The following FCRL2 variants were observed in gnomAD, a reference collection of about 807,000 sequenced individuals.
The protein encoded by FCRL2 is Fc receptor-like protein 2.
FCRL2 carries 48 observed loss-of-function variants against 59.8 expected under a neutral mutation model. The observed-to-expected ratio is 0.80, with a 90% CI of 0.64 to 1.02. FCRL2 has a LOEUF of 1.02. Among genes scored for constraint, FCRL2 ranks in the 50% least tolerant of loss-of-function variants. FCRL2 has a pLI of 0.00. For missense variants in FCRL2, 658 were observed against 597.3 expected (o/e 1.10, Z -1.06); for synonymous variants, 251 against 229.5 (o/e 1.09, Z -0.85).
intron 7 of FCRL2, among the ~76,000 whole-genome samples, chr1:157,765,325 C>T (rs566221940): frequency 2.0e-4 from 31 of 152,044 alleles, no homozygotes; most frequent in Middle Eastern, 3.4e-3. Flanking sequence ...AAAGAAAAGC[C>T]GAGGACTGGA....
chr1:157,749,707 C>A, intron 7 of FCRL2, 30 bp from the exon 8 acceptor site: 1 of 1,596,098 alleles, frequency 6.3e-7, no homozygotes, highest in South Asian at 1.1e-5. Context: ...AAATTCATTT[C>A]AGAGAAGGAA....
At chr1:157,770,835 A>T (rs1294483593) in intron 2 of FCRL2, among the ~76,000 whole-genome samples, 169 bp from the exon 3 acceptor site, 1 of 152,232 alleles carries the variant, frequency 6.6e-6, no homozygotes, top group Non-Finnish European at 1.5e-5. Context: ...CTGAGGGGAT[A>T]TCTTAGCTTG....
At position 157,767,478 on chromosome 1, in the gene FCRL2, C is replaced by G; in HGVS notation, c.915G>C (p.Arg305Ser). 2 of 1,614,194 alleles carry G rather than the reference C, an allele frequency of 1.2e-6. No individual in the cohort carries two copies. The highest frequency in any genetic ancestry group is 1.7e-6 in the Non-Finnish European group (2 of 1,180,032). Residue 305 changes from arginine (R) to serine (S), a missense_variant, in exon 6 of 12, where the codon AGG becomes AGC. Transcript: ENST00000361516. The part of the protein sequence containing the change: ...IPVSRPVLTL[R>S]SPGAQAAVGD... ...CCACTGCAGCCTGGGCCCCAGGAGA[C>G]CTGAGGGTGAGGACAGGGCGAGACA...
Position 157,749,613 on chromosome 1 carries a change from C to T in FCRL2, c.1307+37G>A, listed in dbSNP as rs757687668. The T allele has an allele frequency of 1.4e-5, 21 of 1,533,704 alleles. No homozygotes were observed. The South Asian group carries it at 1.8e-4, about 13-fold the overall frequency. On this transcript the variant is annotated intron_variant, in intron 8 of 11. Coordinates refer to ENST00000361516, the MANE Select transcript of FCRL2 (RefSeq NM_030764.4). The stretch of plus-strand genomic sequence containing the variant: ...GTATTTAAAACTGAATGAAGGAGAC[C>T]TCTAGAATTAAAATTTTTACTAGGA...
At position 157,777,125 on chromosome 1, in the gene FCRL2, G is replaced by A; in HGVS notation, c.-52C>T. The A allele has an allele frequency of 6.2e-7, 1 of 1,613,946 alleles. No individual in the cohort carries two copies. Among genetic ancestry groups the A allele is most frequent in the South Asian group, 1.1e-5 (1 of 91,032 alleles). ...GAGATGTACTCTTGGTCACCAACTG[G>A]AGACTCTGAGCAGGCGATGAAATGT... is the stretch of plus-strand genomic sequence containing the variant. On this transcript the variant is annotated 5_prime_UTR_variant, in exon 1 of 12. Coordinates refer to ENST00000361516, the MANE Select transcript of FCRL2 (RefSeq NM_030764.4).
rs139872242 is a variant in FCRL2 at position 157,770,139 on chromosome 1, G to A, written c.322C>T (p.Arg108Cys). Residue 108 changes from arginine (R) to cysteine (C), a missense_variant, in exon 4 of 12, where the codon CGT (arginine) becomes TGT (cysteine). Coordinates refer to ENST00000361516, the MANE Select transcript of FCRL2 (RefSeq NM_030764.4). ...AAGGAGCTGGCAGTCAGCACAGGAC[G>A]TTGAAAGAGCTCTAGAGAGAAGGAT... ...VKIKVQELFQRPVLTASSFQP... is the reference protein window; with the variant it reads ...VKIKVQELFQCPVLTASSFQP... 8.7e-6 allele frequency: 14 copies of A among 1,613,496 alleles called. No homozygotes were observed. Among genetic ancestry groups the A allele is most frequent in the African/African-American group, 6.7e-5 (5 of 74,914 alleles).
At chr1:157,751,471 G>T (rs1648178206) in intron 7 of FCRL2, among the ~76,000 whole-genome samples, 1 of 152,202 alleles carries the variant, frequency 6.6e-6, no homozygotes, top group Non-Finnish European at 1.5e-5. Context: ...GGGGAGGAGT[G>T]CCCCGTGTGG....
chr1:157,772,028 T>TTA (rs35452726), intron 2 of FCRL2, among the ~76,000 whole-genome samples: 3,564 of 147,006 alleles, frequency 0.024, 73 homozygotes, highest in African/African-American at 0.063. Context: ...AACAATCTGA[T>TTA]TATATATATA....
chr1:157,770,408 C>T lies in FCRL2; in HGVS notation c.310+1G>A, dbSNP rs1241518141. The T allele has an allele frequency of 2.5e-6, 4 of 1,612,352 alleles. No homozygotes were observed. Among genetic ancestry groups the T allele is most frequent in the East Asian group, 2.2e-5 (1 of 44,866 alleles). Reference sequence around the variant, plus strand: ...CCATCCCACAGAAGTCAGGGTTTTACCTTGGACTTTTATCTTTACTATATT... The same window carrying T: ...CCATCCCACAGAAGTCAGGGTTTTATCTTGGACTTTTATCTTTACTATATT... On this transcript the variant is annotated splice_donor_variant, in intron 3 of 11. Transcript: ENST00000361516. LOFTEE classifies it high-confidence loss of function.
chr1:157,772,440 T>C (rs921283233), intron 2 of FCRL2, among the ~76,000 whole-genome samples: 1 of 152,108 alleles, frequency 6.6e-6, no homozygotes, highest in African/African-American at 2.4e-5. Context: ...CTTGAGTCCA[T>C]AACAGCAGAC....
chr1:157,768,039 G>A (rs1425993229), intron 5 of FCRL2: 7 of 232,400 alleles, frequency 3.0e-5, no homozygotes, highest in Middle Eastern at 3.2e-3. Flanking sequence ...GTGCAGTTTC[G>A]GCAAGCTAGA....
Position 157,746,218 on chromosome 1 carries a change from G to A in FCRL2, c.*518C>T, listed in dbSNP as rs962801343. 1 of 153,532 alleles carries A rather than the reference G, an allele frequency of 6.5e-6. No homozygotes were observed. The highest frequency in any genetic ancestry group is 2.4e-5 in the African/African-American group (1 of 41,442). The allele number at this position is 153,532 out of a possible 1,614,324, so 9.5% of individuals were successfully genotyped here. On this transcript the variant is annotated 3_prime_UTR_variant, in exon 12 of 12. Transcript: ENST00000361516. ...TATGCCAAAAAATCAAGGAGGAAGG[G>A]CTCCTGCCTAACTCATTCTATGAAG... is the stretch of plus-strand genomic sequence containing the variant.
intron 7 of FCRL2, among the ~76,000 whole-genome samples, chr1:157,761,507 A>G (rs1411967044): frequency 6.6e-6 from 1 of 152,078 alleles, no homozygotes; most frequent in Non-Finnish European, 1.5e-5. Flanking sequence ...TACTCAGGAG[A>G]CTGAGGTGAG....
At chr1:157,755,913 T>C (rs1242536127) in intron 7 of FCRL2, among the ~76,000 whole-genome samples, 1 of 152,184 alleles carries the variant, frequency 6.6e-6, no homozygotes, top group African/African-American at 2.4e-5. Context: ...GGAACAGTTG[T>C]GAGAGAAAGG....
chr1:157,764,565 A>G (rs191521174), intron 7 of FCRL2, among the ~76,000 whole-genome samples: 1 of 152,366 alleles, frequency 6.6e-6, no homozygotes, highest in East Asian at 1.9e-4. Flanking sequence ...AATAGACCAC[A>G]TGTTAGGCCA....
rs546773660 is a variant in FCRL2 at position 157,757,840 on chromosome 1, C to T, written c.1280-8163G>A. Among the ~76,000 whole-genome samples the T allele has an allele frequency of 2.6e-5, 4 of 152,260 alleles. No individual in the cohort carries two copies. The South Asian group carries it at 8.3e-4, about 32-fold the overall frequency. ...AGCCAGGCGTGGTGGCGGACGCCTG[C>T]AGTCCCAGCTACTGGGGAGGATGAG... is the stretch of plus-strand genomic sequence containing the variant. On this transcript the variant is annotated intron_variant, in intron 7 of 11. Coordinates refer to ENST00000361516, the MANE Select transcript of FCRL2 (RefSeq NM_030764.4).
At chr1:157,764,087 C>T (rs1443849450) in intron 7 of FCRL2, among the ~76,000 whole-genome samples, 2 of 151,104 alleles carry the variant, frequency 1.3e-5, no homozygotes, top group Admixed American at 1.3e-4. Flanking sequence ...GCCTGTAGTC[C>T]CAGCTACTTG....
chr1:157,761,862 A>T lies in FCRL2; in HGVS notation c.1279+4993T>A, dbSNP rs191425665. 1.5e-3 allele frequency among the ~76,000 whole-genome samples: 233 copies of T among 152,342 alleles called. 1 individual carries two copies. The highest frequency in any genetic ancestry group is 5.3e-3 in the African/African-American group (220 of 41,570). ...GCAGCTTAAGGAATATGTTGGTTGT[A>T]AAAGGTAGATGTCTTCAAACTTCCA... On this transcript the variant is annotated intron_variant, in intron 7 of 11. Transcript: ENST00000361516.
intron 7 of FCRL2, among the ~76,000 whole-genome samples, chr1:157,750,886 G>C (rs16839056): frequency 0.035 from 5,329 of 152,222 alleles, 259 homozygotes; most frequent in African/African-American, 0.11. Flanking sequence ...ATAACAAAAT[G>C]TGATGATACA....
Sources: allele counts gnomAD v4.1 joint callset (sites outside exome capture counted in the v4.1 genomes callset), GRCh38; gene constraint gnomAD v4.1.1; transcripts MANE v1.5; gene names NCBI Gene and HGNC (gene_info 2026-07-23, HGNC 2026-07-21).